Variants in DNAH11 observed in about 807,000 individuals in gnomAD.
DNAH11 encodes the protein axonemal beta dynein heavy chain 11.
In DNAH11, 442 loss-of-function variants were observed where a neutral mutation model predicts 526.0. That is an observed-to-expected ratio of 0.84 (90% CI 0.78 to 0.91). DNAH11 has a LOEUF of 0.91. Ranked by LOEUF, DNAH11 falls within the 40% of genes least tolerant of loss-of-function variation. The probability of loss-of-function intolerance (pLI) is 0.00; values close to 1 mark genes in which losing one functional copy is unlikely to be tolerated. For missense variants in DNAH11, 6,989 were observed against 5,448.7 expected, an observed-to-expected ratio of 1.28 and a Z score of -8.90; for synonymous variants, 2,461 against 1,935.9, an observed-to-expected ratio of 1.27 and a Z score of -7.12.
At chr7:21,897,626 CT>C (rs11303225) in intron 79 of DNAH11, among the ~76,000 whole-genome samples, 132,012 of 151,940 alleles carry the variant, frequency 0.87, 59,022 homozygotes, top group Non-Finnish European at 0.99. Context: ...TAGAATTACA[CT>C]TTTTTTTTGA....
chr7:21,625,688 A>G (rs1159991009), intron 25 of DNAH11, among the ~76,000 whole-genome samples: 2 of 151,974 alleles, frequency 1.3e-5, no homozygotes, highest in African/African-American at 2.4e-5. Flanking sequence ...AAGTTTTAGT[A>G]TGTTGTGTTT....
At chr7:21,631,359 T>A (rs545331256) in intron 25 of DNAH11, among the ~76,000 whole-genome samples, 2 of 152,268 alleles carry the variant, frequency 1.3e-5, no homozygotes, top group East Asian at 3.9e-4. Flanking sequence ...AAACCAATCA[T>A]GCCTTCCCAA....
intron 57 of DNAH11, 66 bp from the exon 58 acceptor site, chr7:21,784,361 A>C: frequency 8.0e-7 from 1 of 1,252,122 alleles, no homozygotes; most frequent in Non-Finnish European, 1.1e-6. Context: ...GTCAACCTCC[A>C]TTTTTCTTTA....
At chr7:21,879,281 A>G (rs1056922106) in intron 74 of DNAH11, among the ~76,000 whole-genome samples, 2 of 152,008 alleles carry the variant, frequency 1.3e-5, no homozygotes, top group Admixed American at 6.6e-5. Flanking sequence ...GTGAATCCCC[A>G]TCTCTATTTA....
At chr7:21,561,032 T>G (rs1428010020) in intron 4 of DNAH11, 39 bp from the exon 5 acceptor site, 1 of 1,387,410 alleles carries the variant, frequency 7.2e-7, no homozygotes, top group Non-Finnish European at 1.0e-6. Flanking sequence ...TAATCGAGTT[T>G]ATATTTATTA....
chr7:21,606,807 C>A, intron 20 of DNAH11, 74 bp downstream of exon 20: 1 of 1,252,590 alleles, frequency 8.0e-7, no homozygotes, highest in Non-Finnish European at 1.1e-6. Context: ...ACACAAAATA[C>A]TGCCACATTT....
At chr7:21,883,980 T>C (rs1784029144) in intron 75 of DNAH11, among the ~76,000 whole-genome samples, 1 of 152,136 alleles carries the variant, frequency 6.6e-6, no homozygotes, top group South Asian at 2.1e-4. Context: ...GAATTCAAGG[T>C]TGCAATGAGC....
chr7:21,551,737 G>A (rs1314651914), intron 2 of DNAH11, among the ~76,000 whole-genome samples: 1 of 152,170 alleles, frequency 6.6e-6, no homozygotes, highest in African/African-American at 2.4e-5. Context: ...GCTTCCCTAA[G>A]GTTTGGTCTA....
chr7:21,870,364 G>A (rs1274147521), intron 73 of DNAH11, among the ~76,000 whole-genome samples: 1 of 152,162 alleles, frequency 6.6e-6, no homozygotes, highest in Non-Finnish European at 1.5e-5. Context: ...ATGATTGCAG[G>A]AATGTAACCT....
chr7:21,595,538 A>C (rs925335058), intron 14 of DNAH11, among the ~76,000 whole-genome samples: 1 of 152,240 alleles, frequency 6.6e-6, no homozygotes, highest in Non-Finnish European at 1.5e-5. Context: ...AGATTATTCT[A>C]CACATTTTGT....
At chr7:21,677,747 T>G (rs546083224) in intron 30 of DNAH11, among the ~76,000 whole-genome samples, 38 of 152,308 alleles carry the variant, frequency 2.5e-4, no homozygotes, top group Non-Finnish European at 4.3e-4. Context: ...GCCAACAAGA[T>G]CTTTTGACTT....
chr7:21,742,855 C>T (rs1785972153), intron 49 of DNAH11, among the ~76,000 whole-genome samples: 3 of 152,068 alleles, frequency 2.0e-5, no homozygotes, highest in Admixed American at 2.0e-4. Context: ...TTGGGTAATT[C>T]ATAAATAATA....
At chr7:21,677,171 T>C (rs1032154935) in intron 30 of DNAH11, among the ~76,000 whole-genome samples, 1 of 151,860 alleles carries the variant, frequency 6.6e-6, no homozygotes, top group African/African-American at 2.4e-5. Context: ...CATTTTACTG[T>C]GATTCACTTT....
chr7:21,663,114 T>G (rs1015407817), intron 30 of DNAH11, among the ~76,000 whole-genome samples: 1 of 152,144 alleles, frequency 6.6e-6, no homozygotes, highest in Admixed American at 6.6e-5. Context: ...CTGATGATAA[T>G]GACCTCTAGT....
In DNAH11 at chr7:21,591,270, A is replaced by T; in HGVS notation, c.2360A>T (p.Asp787Val). Reference protein sequence around the residue: ...LLEVEYPLIEDELRAIDEQLT... With the variant: ...LLEVEYPLIEVELRAIDEQLT... ...GAAGTTGAATACCCTCTGATTGAAG[A>T]TGAGCTGAGGGCTATTGACGAGCAG... Residue 787 changes from aspartate (D) to valine (V), a missense_variant, in exon 14 of 82, where the codon GAT becomes GTT. Coordinates refer to ENST00000409508, the MANE Select transcript of DNAH11 (RefSeq NM_001277115.2). The T allele has an allele frequency of 6.2e-7, 1 of 1,609,764 alleles. No individual in the cohort carries two copies. The highest frequency in any genetic ancestry group is 8.5e-7 in the Non-Finnish European group (1 of 1,177,524).
intron 62 of DNAH11, 133 bp downstream of exon 62, chr7:21,801,408 C>A (rs1371516670): frequency 1.6e-6 from 2 of 1,241,988 alleles, no homozygotes; most frequent in African/African-American, 1.5e-5. Flanking sequence ...AATCACTCAT[C>A]CTGTGGCTCT....
chr7:21,656,063 A>C, intron 29 of DNAH11, 82 bp downstream of exon 29: 1 of 1,436,396 alleles, frequency 7.0e-7, no homozygotes, highest in Non-Finnish European at 9.2e-7. Context: ...CAAGCAAAAA[A>C]TTCAACCCAG....
At chr7:21,557,077 T>G (rs983643596) in intron 2 of DNAH11, among the ~76,000 whole-genome samples, 10 of 149,930 alleles carry the variant, frequency 6.7e-5, no homozygotes, top group Non-Finnish European at 7.4e-5. Context: ...AAAAAAAAAG[T>G]GAGAACATAC....
chr7:21,773,967 G>A lies in DNAH11; in HGVS notation c.9304G>A (p.Gly3102Ser), dbSNP rs943669191. The A allele has an allele frequency of 8.9e-6, 14 of 1,575,044 alleles. No individual in the cohort carries two copies. Among genetic ancestry groups the A allele is most frequent in the Non-Finnish European group, 1.2e-5 (14 of 1,160,942 alleles). The change falls in exon 56 of 82, where the codon GGC becomes AGC. Residue 3102 changes from glycine (G) to serine (S), a missense_variant. By Grantham distance (56) the Gly-to-Ser change is moderately conservative. Coordinates refer to ENST00000409508, the MANE Select transcript of DNAH11 (RefSeq NM_001277115.2). Reference sequence around the variant, plus strand: ...CGAGAAAAAAGAACGCCTGGTGAACGGCATCCAAAAGCTAAAAACCACAGC... The same window carrying A: ...CGAGAAAAAAGAACGCCTGGTGAACAGCATCCAAAAGCTAAAAACCACAGC... ...VSEKKERLVN[G>S]IQKLKTTASQ... is the part of the protein sequence containing the mutation.
Sources: allele counts gnomAD v4.1 joint callset (sites outside exome capture counted in the v4.1 genomes callset), GRCh38; gene constraint gnomAD v4.1.1; transcripts MANE v1.5; gene names NCBI Gene and HGNC (gene_info 2026-07-23, HGNC 2026-07-21).